The following RBFOX1 variants were observed in gnomAD, a reference collection of about 807,000 sequenced individuals.
RBFOX1 encodes the protein RNA binding fox-1 homolog 1.
A neutral mutation model predicts 57.7 loss-of-function variants in RBFOX1; 8 were observed. The ratio of observed to expected loss-of-function variants is 0.14; its 90% CI spans 0.08 to 0.25. The LOEUF is 0.25. RBFOX1 is among the 10% of genes least tolerant of loss of function. RBFOX1 has a pLI of 1.00. For synonymous variants in RBFOX1, 326 were observed against 222.4 expected (o/e 1.47, Z -4.15); for missense variants, 611 against 548.5 (o/e 1.11, Z -1.14).
intron 2 of RBFOX1, among the ~76,000 whole-genome samples, chr16:6,323,687 T>C (rs1320270065): frequency 2.0e-5 from 3 of 152,234 alleles, no homozygotes; most frequent in Non-Finnish European, 4.4e-5. Flanking sequence ...ATTATTTATA[T>C]GTTTATTAAT....
chr16:6,162,465 T>G (rs988972318), intron 1 of RBFOX1, among the ~76,000 whole-genome samples: 2 of 152,250 alleles, frequency 1.3e-5, no homozygotes, highest in South Asian at 4.2e-4. Flanking sequence ...TGGCTTGATT[T>G]TTAAGTGGGT....
intron 4 of RBFOX1, among the ~76,000 whole-genome samples, chr16:7,075,869 C>T (rs554800707): frequency 1.5e-4 from 23 of 152,060 alleles, no homozygotes; most frequent in African/African-American, 5.5e-4. Context: ...CGTGAGCCAC[C>T]GCGCCCGGCC....
At chr16:6,686,735 C>G (rs536161252) in intron 3 of RBFOX1, among the ~76,000 whole-genome samples, 4 of 152,102 alleles carry the variant, frequency 2.6e-5, no homozygotes, top group African/African-American at 9.7e-5. Flanking sequence ...ATGTTTCAGG[C>G]CATAACTCTT....
intron 4 of RBFOX1, among the ~76,000 whole-genome samples, chr16:7,174,998 A>T (rs1215155810): frequency 6.6e-6 from 1 of 152,060 alleles, no homozygotes; most frequent in African/African-American, 2.4e-5. Flanking sequence ...CCTGATGTCT[A>T]ATGATGTTGA....
chr16:7,587,346 T>A, intron 7 of RBFOX1, 46 bp downstream of exon 7: 1 of 1,464,926 alleles, frequency 6.8e-7, no homozygotes, highest in Non-Finnish European at 9.1e-7. Context: ...TATTTTTAAA[T>A]GTTTGTTATG....
rs112293665 is a variant in RBFOX1, at chr16:5,678,810, C to T, written c.318+79849C>T. On this transcript the variant is annotated intron_variant, in intron 3 of 19. Transcript: ENST00000641259. ...TGCTAAAATTCACTTTGAGTCAACC[C>T]GCTGTTCTAGCACGTTAAATTTGCT... Among the ~76,000 whole-genome samples the T allele has an allele frequency of 6.2e-3, 950 of 152,292 alleles. 5 individuals carry two copies. The highest frequency in any genetic ancestry group is 8.4e-3 in the Non-Finnish European group (574 of 68,036).
intron 3 of RBFOX1, among the ~76,000 whole-genome samples, chr16:6,817,352 G>C (rs570612112): frequency 1.3e-5 from 2 of 151,950 alleles, no homozygotes; most frequent in Admixed American, 6.6e-5. Flanking sequence ...TGTTAGCTGC[G>C]TGTGTCACCC....
At chr16:7,375,014 C>T (rs2097658273) in intron 4 of RBFOX1, among the ~76,000 whole-genome samples, 1 of 152,174 alleles carries the variant, frequency 6.6e-6, no homozygotes, top group Non-Finnish European at 1.5e-5. Flanking sequence ...GAGATATTCT[C>T]CGTTTATGCC....
chr16:7,615,306 C>T (rs546242186), intron 10 of RBFOX1, among the ~76,000 whole-genome samples: 4 of 151,128 alleles, frequency 2.6e-5, no homozygotes, highest in African/African-American at 7.4e-5. Flanking sequence ...GCACTCCAGC[C>T]TGGGCAATAG....
At chr16:5,607,304 A>G (rs955608805) in intron 3 of RBFOX1, among the ~76,000 whole-genome samples, 6 of 152,172 alleles carry the variant, frequency 3.9e-5, no homozygotes, top group African/African-American at 1.2e-4. Context: ...TCCCTTCAAA[A>G]TATCACCCGT....
intron 2 of RBFOX1, among the ~76,000 whole-genome samples, chr16:6,609,901 G>C (rs2154023452): frequency 6.6e-6 from 1 of 152,158 alleles, no homozygotes; most frequent in Non-Finnish European, 1.5e-5. Flanking sequence ...CCAGCTACTT[G>C]GGAGGCTGAG....
At chr16:5,270,083 T>G (rs1220343977) in intron 1 of RBFOX1, 2 of 220,260 alleles carry the variant, frequency 9.1e-6, no homozygotes, top group Non-Finnish European at 1.8e-5. Flanking sequence ...TCACTTGATA[T>G]CAGGAGTTCA....
chr16:6,557,272 A>G (rs1198576105), intron 2 of RBFOX1, among the ~76,000 whole-genome samples: 2 of 151,700 alleles, frequency 1.3e-5, no homozygotes, highest in African/African-American at 2.4e-5. Context: ...CATGACACCC[A>G]TGAATTAAGA....
intron 4 of RBFOX1, among the ~76,000 whole-genome samples, chr16:6,004,275 G>C (rs1026054404): frequency 6.6e-6 from 1 of 152,164 alleles, no homozygotes; most frequent in Non-Finnish European, 1.5e-5. Flanking sequence ...AGGCTCTGCT[G>C]CTTATTACCT....
chr16:5,250,907 C>T (rs543821883), intron 1 of RBFOX1, among the ~76,000 whole-genome samples: 1 of 152,300 alleles, frequency 6.6e-6, no homozygotes, highest in East Asian at 1.9e-4. Context: ...CTGTCTGGAT[C>T]AGAGGGGGAT....
chr16:5,994,200 CACCCAGG>C (rs1219905211), intron 4 of RBFOX1, among the ~76,000 whole-genome samples: 1 of 152,204 alleles, frequency 6.6e-6, no homozygotes, highest in Non-Finnish European at 1.5e-5. Context: ...CTTGCTCTGT[CACCCAGG>C]TTGAAGTACA....
At chr16:6,447,135 A>G (rs2094500543) in intron 2 of RBFOX1, among the ~76,000 whole-genome samples, 2 of 152,192 alleles carry the variant, frequency 1.3e-5, no homozygotes, top group African/African-American at 2.4e-5. Context: ...TTAAAAGTTC[A>G]TGGTCTATTG....
chr16:5,904,393 C>T (rs746263175), intron 4 of RBFOX1, among the ~76,000 whole-genome samples: 34 of 151,842 alleles, frequency 2.2e-4, no homozygotes, highest in Non-Finnish European at 4.0e-4. Context: ...TTTAGGAGCT[C>T]GTTTTGTCTC....
intron 4 of RBFOX1, 78 bp from the exon 5 acceptor site, chr16:7,518,069 T>A: frequency 6.6e-7 from 1 of 1,523,066 alleles, no homozygotes; most frequent in Non-Finnish European, 8.9e-7. Context: ...ACGATCGTCC[T>A]GGGATCTGGG....
Sources: allele counts gnomAD v4.1 joint callset (sites outside exome capture counted in the v4.1 genomes callset), GRCh38; gene constraint gnomAD v4.1.1; transcripts MANE v1.5; gene names NCBI Gene and HGNC (gene_info 2026-07-23, HGNC 2026-07-21).